Variants in IL1RAPL2 observed in about 807,000 individuals in gnomAD.
IL1RAPL2 encodes the protein X-linked interleukin-1 receptor accessory protein-like 2.
In IL1RAPL2, 3 loss-of-function variants were observed where a neutral mutation model predicts 44.1. That is an observed-to-expected ratio of 0.07 (90% confidence interval 0.03 to 0.18). IL1RAPL2 has a LOEUF of 0.18. IL1RAPL2 is among the 10% of genes least tolerant of loss of function. The pLI, the probability that IL1RAPL2 is intolerant of heterozygous loss-of-function variation, is 1.00. For missense variants in IL1RAPL2, 391 were observed against 496.4 expected (o/e 0.79, Z 2.02); for synonymous variants, 181 against 178.8 (o/e 1.01, Z -0.10).
At position 105,382,387 on chromosome X, in the gene IL1RAPL2, C is replaced by T. The variant is rs1405431909; in HGVS notation, c.698-101926C>T. On this transcript the variant is annotated intron_variant, in intron 5 of 10. Transcript: ENST00000372582. Reference sequence around the variant, plus strand: ...TGAAAAAATGCTCATCATCACTGGCCATCAGAGAAATGCAAATCAAAACCA... The same window carrying T: ...TGAAAAAATGCTCATCATCACTGGCTATCAGAGAAATGCAAATCAAAACCA... Among the ~76,000 whole-genome samples, 6 of 109,441 alleles carry T rather than the reference C, an allele frequency of 5.5e-5. No homozygotes were observed. In the East Asian group the frequency reaches 1.7e-3, roughly 31 times the overall value.
chrX:104,823,103 AT>A lies in IL1RAPL2; in HGVS notation c.82+164118del, dbSNP rs370935873. 2.1e-3 allele frequency among the ~76,000 whole-genome samples: 226 copies of A among 107,842 alleles called. 1 individual carries two copies. The highest frequency in any genetic ancestry group is 0.019 in the Middle Eastern group (4 of 213). The allele number at this position is 107,842 out of a possible 115,157, so 93.6% of individuals were successfully genotyped here. On this transcript the variant is annotated intron_variant, in intron 2 of 10. Coordinates refer to ENST00000372582, the MANE Select transcript of IL1RAPL2 (RefSeq NM_017416.2). The stretch of plus-strand genomic sequence containing the variant: ...GGATGCTTGTGATTTTTGCACATTG[AT>A]TTTTTTTTTATTATACTTTAAGTTT...
intron 2 of IL1RAPL2, among the ~76,000 whole-genome samples, chrX:104,801,345 C>T (rs1000075218): frequency 1.8e-5 from 2 of 111,518 alleles, no homozygotes; most frequent in Non-Finnish European, 3.8e-5. Context: ...TTAAGAGGAC[C>T]GTGGCTAGTC....
chrX:105,379,165 A>G (rs1401979622), intron 5 of IL1RAPL2, among the ~76,000 whole-genome samples: 1 of 111,864 alleles, frequency 8.9e-6, no homozygotes, highest in Non-Finnish European at 1.9e-5. Flanking sequence ...GAAAGAAAGC[A>G]GAATGTTATC....
chrX:104,767,963 T>A (rs1453247667), intron 2 of IL1RAPL2, among the ~76,000 whole-genome samples: 1 of 112,448 alleles, frequency 8.9e-6, no homozygotes, highest in Non-Finnish European at 1.9e-5. Flanking sequence ...TTAAAGTATG[T>A]ATTTTTTAAT....
At chrX:104,694,069 GAA>G (rs1406388877) in intron 2 of IL1RAPL2, among the ~76,000 whole-genome samples, 1 of 111,899 alleles carries the variant, frequency 8.9e-6, no homozygotes, top group Admixed American at 9.5e-5. Flanking sequence ...CAGCTCTGTG[GAA>G]AACATGGCAC....
chrX:105,310,211 A>T (rs915979839), intron 5 of IL1RAPL2, among the ~76,000 whole-genome samples: 7 of 111,181 alleles, frequency 6.3e-5, no homozygotes, highest in Admixed American at 3.8e-4. Flanking sequence ...CTATTTTTTA[A>T]ATCATTTATT....
At chrX:105,463,407 A>C (rs1253816454) in intron 5 of IL1RAPL2, among the ~76,000 whole-genome samples, 1 of 111,436 alleles carries the variant, frequency 9.0e-6, no homozygotes, top group East Asian at 2.8e-4. Flanking sequence ...GAGAGGTGCT[A>C]ATAGTTAGAG....
At chrX:105,638,027 A>G (rs979478157) in intron 6 of IL1RAPL2, among the ~76,000 whole-genome samples, 4 of 109,210 alleles carry the variant, frequency 3.7e-5, no homozygotes, top group Non-Finnish European at 7.6e-5. Context: ...TATTTGCCAC[A>G]CCCCCTCCTC....
chrX:104,733,923 AT>A (rs2147573907), intron 2 of IL1RAPL2, among the ~76,000 whole-genome samples: 1 of 110,921 alleles, frequency 9.0e-6, no homozygotes, highest in African/African-American at 3.3e-5. Flanking sequence ...TATATAAAGA[AT>A]TCTCAAAACT....
intron 5 of IL1RAPL2, among the ~76,000 whole-genome samples, chrX:105,380,541 C>T (rs1354596371): frequency 9.0e-6 from 1 of 111,541 alleles, no homozygotes; most frequent in African/African-American, 3.3e-5. Flanking sequence ...GTTAAAAAAG[C>T]AGCTTGTAAC....
At chrX:105,383,178 T>C (rs1330794193) in intron 5 of IL1RAPL2, among the ~76,000 whole-genome samples, 1 of 110,796 alleles carries the variant, frequency 9.0e-6, no homozygotes, top group Non-Finnish European at 1.9e-5. Context: ...GTTACTCTAT[T>C]TTTGTACCAA....
intron 2 of IL1RAPL2, among the ~76,000 whole-genome samples, chrX:104,910,604 G>A (rs1924205589): frequency 9.0e-6 from 1 of 111,481 alleles, no homozygotes; most frequent in South Asian, 3.8e-4. Context: ...TTAAATACCT[G>A]AGTTTCCTTT....
intron 2 of IL1RAPL2, among the ~76,000 whole-genome samples, chrX:104,747,141 A>G (rs1295032274): frequency 3.6e-5 from 4 of 110,457 alleles, no homozygotes; most frequent in Non-Finnish European, 7.6e-5. Context: ...CTTTTCTGTC[A>G]TGTTTTCCCT....
intron 2 of IL1RAPL2, among the ~76,000 whole-genome samples, chrX:105,086,814 T>C (rs1045513140): frequency 1.8e-5 from 2 of 109,983 alleles, no homozygotes; most frequent in Non-Finnish European, 3.8e-5. Context: ...ATAAATAAAA[T>C]TTAAGTTTTA....
intron 2 of IL1RAPL2, among the ~76,000 whole-genome samples, chrX:104,930,434 T>C (rs1602829152): frequency 2.7e-5 from 3 of 111,628 alleles, no homozygotes; most frequent in African/African-American, 6.5e-5. Context: ...TATTGCAATA[T>C]TATAAACATT....
At chrX:105,183,015 G>T (rs2033548567) in intron 2 of IL1RAPL2, among the ~76,000 whole-genome samples, 1 of 111,240 alleles carries the variant, frequency 9.0e-6, no homozygotes, top group Non-Finnish European at 1.9e-5. Flanking sequence ...AGGGTGGACT[G>T]GGCATGGTGG....
chrX:105,026,996 A>T (rs2031384463), intron 2 of IL1RAPL2, among the ~76,000 whole-genome samples: 1 of 111,311 alleles, frequency 9.0e-6, no homozygotes, highest in African/African-American at 3.3e-5. Context: ...ATGAAATAGA[A>T]TAGAGAACCC....
intron 8 of IL1RAPL2, 136 bp from the exon 9 acceptor site, chrX:105,748,824 G>A: frequency 4.0e-6 from 2 of 502,065 alleles, no homozygotes; most frequent in South Asian, 5.4e-5. Flanking sequence ...TGTATCAAGA[G>A]CAAAGCTACT....
intron 2 of IL1RAPL2, among the ~76,000 whole-genome samples, chrX:104,986,812 A>T (rs760547147): frequency 1.8e-5 from 2 of 112,260 alleles, no homozygotes; most frequent in Non-Finnish European, 3.8e-5. Flanking sequence ...TAAGTTGAAT[A>T]AATTGCCTGG....
Sources: gnomAD v4.1 joint callset for allele counts (sites outside exome capture counted in the v4.1 genomes callset) on GRCh38, gnomAD v4.1.1 for gene constraint, MANE v1.5 for transcripts, NCBI Gene and HGNC (gene_info 2026-07-23, HGNC 2026-07-21) for gene names.